The following LRRC73 variants were observed in gnomAD, a reference collection of about 807,000 sequenced individuals.
LRRC73 encodes leucine rich repeat containing 73, also known as leucine-rich repeat-containing protein 73.
A neutral mutation model predicts 26.4 loss-of-function variants in LRRC73; 16 were observed. The observed-to-expected ratio is 0.61, with a 90% CI of 0.41 to 0.92. The LOEUF (loss-of-function observed/expected upper bound fraction) is 0.92. Ranked by LOEUF, LRRC73 falls within the 40% of genes least tolerant of loss-of-function variation. LRRC73 has a pLI of 0.00. For missense variants in LRRC73, 344 were observed against 416.3 expected (o/e 0.83, Z 1.51); for synonymous variants, 210 against 179.8 (o/e 1.17, Z -1.34).
chr6:43,509,702 G>A (rs1792606198), exon 1 of LRRC73: 2 of 1,591,726 alleles, frequency 1.3e-6, no homozygotes, highest in Non-Finnish European at 1.7e-6. Context: ...GGCGCACGGC[G>A]TTGTCGCGAA....
chr6:43,509,728 C>G, exon 1 of LRRC73: 1 of 1,590,470 alleles, frequency 6.3e-7, no homozygotes. Flanking sequence ...CGGCAGATGT[C>G]CCGCACCTCG....
Position 43,508,423 on chromosome 6 carries a change from G to C in LRRC73, c.434-3C>G, listed in dbSNP as rs1309752673. On this transcript the variant is annotated splice_region_variant and splice_polypyrimidine_tract_variant and intron_variant, in intron 2 of 5. Coordinates refer to ENST00000372441, the Ensembl canonical transcript of LRRC73. The stretch of plus-strand genomic sequence containing the variant: ...ACTCAGCGTTAGCTCCTTCAAGCCT[G>C]GGCAGCATCATAGCAAGAAACCAGA... The C allele has an allele frequency of 1.4e-5, 23 of 1,613,410 alleles. No homozygotes were observed. The highest frequency in any genetic ancestry group is 1.9e-5 in the Non-Finnish European group (23 of 1,179,914).
chr6:43,510,166 GGCGGCA>G (rs1044665174), exon 1 of LRRC73: 9 of 173,118 alleles, frequency 5.2e-5, no homozygotes, highest in Non-Finnish European at 9.7e-5. Context: ...CGGCGGCGGC[GGCGGCA>G]GCGGCAGCGA....
Position 43,507,328 on chromosome 6 carries a change from T to C in LRRC73, c.881-20A>G. The C allele has an allele frequency of 3.1e-6, 5 of 1,613,778 alleles. No homozygotes were observed. Among genetic ancestry groups the C allele is most frequent in the Non-Finnish European group, 4.2e-6 (5 of 1,179,894 alleles). On this transcript the variant is annotated intron_variant, in intron 5 of 5. Transcript: ENST00000372441. ...TGGGATCTGTGGAAGGGCAGAGAAG[T>C]GTTCAGACCACCATTCCTTCCTCCA... is the stretch of plus-strand genomic sequence containing the variant.
At chr6:43,510,169 G>A in exon 1 of LRRC73, 1 of 170,860 alleles carries the variant, frequency 5.9e-6, no homozygotes, top group East Asian at 1.7e-4. Flanking sequence ...CGGCGGCGGC[G>A]GCAGCGGCAG....
At chr6:43,509,757 C>T (rs1792607705) in exon 1 of LRRC73, 1 of 1,583,240 alleles carries the variant, frequency 6.3e-7, no homozygotes, top group Non-Finnish European at 8.5e-7. Context: ...CAGCGGCTCC[C>T]CCGAAATCTG....
chr6:43,509,473 G>A (rs1792600745), intron 1 of LRRC73, 41 bp downstream of exon 1: 1 of 1,572,664 alleles, frequency 6.4e-7, no homozygotes, highest in Non-Finnish European at 8.6e-7. Flanking sequence ...TGTATGGAAG[G>A]GTGCAGTGCC....
chr6:43,509,937 C>T, exon 1 of LRRC73: 6 of 533,588 alleles, frequency 1.1e-5, no homozygotes, highest in Non-Finnish European at 1.7e-5. Flanking sequence ...GCGGAGGCTG[C>T]GGCTGCGGCG....
At chr6:43,508,799 G>A in exon 2 of LRRC73, 1 of 1,613,038 alleles carries the variant, frequency 6.2e-7, no homozygotes, top group Non-Finnish European at 8.5e-7. Context: ...CCACAGATGA[G>A]GTTGATGGCT....
At chr6:43,507,950 A>ACATT in intron 3 of LRRC73, 24 bp from the exon 4 acceptor site, 1 of 1,580,942 alleles carries the variant, frequency 6.3e-7, no homozygotes, top group Non-Finnish European at 8.7e-7. Flanking sequence ...ACACGTGCAC[A>ACATT]CATTCATACA....
exon 6 of LRRC73, chr6:43,507,009 A>C: frequency 4.1e-5 from 23 of 554,494 alleles, no homozygotes; most frequent in Non-Finnish European, 4.9e-5. Context: ...GGTTGCAGCC[A>C]GAGCTGCCAA....
chr6:43,508,477 C>G, intron 2 of LRRC73, 57 bp from the exon 3 acceptor site: 2 of 1,608,892 alleles, frequency 1.2e-6, no homozygotes, highest in East Asian at 4.5e-5. Flanking sequence ...TCCTCCAGCC[C>G]TTCCCCACAA....
At chr6:43,510,187 C>G (rs907424760) in exon 1 of LRRC73, 1 of 165,262 alleles carries the variant, frequency 6.1e-6, no homozygotes, top group Non-Finnish European at 1.3e-5. Flanking sequence ...CAGCGAGCGG[C>G]TCAAGGGCTT....
At chr6:43,508,520 G>A in intron 2 of LRRC73, 100 bp from the exon 3 acceptor site, 1 of 1,556,688 alleles carries the variant, frequency 6.4e-7, no homozygotes, top group Non-Finnish European at 8.7e-7. Flanking sequence ...CTAGTGGCTG[G>A]GCACCACCTT....
rs1792506415 is a variant in LRRC73 at position 43,507,024 on chromosome 6, A to G, written c.*214T>C. On this transcript the variant is annotated 3_prime_UTR_variant, in exon 6 of 6. Coordinates refer to ENST00000372441, the Ensembl canonical transcript of LRRC73. The stretch of plus-strand genomic sequence containing the variant: ...GGTTGCAGCCAGAGCTGCCAAGTTC[A>G]AAGGCATTGCCGTGGGTTCAAGTGC... The G allele has an allele frequency of 1.9e-5, 11 of 579,102 alleles. No individual in the cohort carries two copies. The South Asian group carries it at 2.0e-4, about 11-fold the overall frequency. The allele number at this position is 579,102 out of a possible 1,614,324, so 35.9% of individuals were successfully genotyped here. A position where few individuals can be genotyped will look rare whatever the true frequency, so the allele number is the denominator to read the frequency against.
intron 2 of LRRC73, 108 bp downstream of exon 2, chr6:43,508,652 A>G: frequency 6.8e-7 from 1 of 1,462,754 alleles, no homozygotes; most frequent in Non-Finnish European, 9.3e-7. Flanking sequence ...GAGTAGAAAG[A>G]TGTTCTCGCC....
chr6:43,507,724 G>A (rs1320713054), intron 4 of LRRC73, 46 bp from the exon 5 acceptor site: 1 of 1,601,048 alleles, frequency 6.2e-7, no homozygotes, highest in African/African-American at 1.3e-5. Flanking sequence ...AGTTAAGGCA[G>A]GTCCTCAGAC....
exon 6 of LRRC73, chr6:43,507,211 A>G: frequency 6.2e-7 from 1 of 1,612,234 alleles, no homozygotes; most frequent in Non-Finnish European, 8.5e-7. Flanking sequence ...AGATAAGTGA[A>G]ATGGTGTGCA....
exon 6 of LRRC73, chr6:43,507,145 T>G: frequency 1.5e-6 from 2 of 1,369,632 alleles, no homozygotes; most frequent in Non-Finnish European, 2.0e-6. Flanking sequence ...TGACCCCAGT[T>G]CCCTCCCAAG....
Sources: gnomAD v4.1 joint callset for allele counts on GRCh38, gnomAD v4.1.1 for gene constraint, MANE v1.5 for transcripts, NCBI Gene and HGNC (gene_info 2026-07-23, HGNC 2026-07-21) for gene names.